Variants in SLC10A7 observed in about 807,000 individuals in gnomAD.
The protein encoded by SLC10A7 is solute carrier family 10 member 7, also known as sodium/bile acid cotransporter 7.
Under a neutral mutation model 43.2 loss-of-function variants are expected in SLC10A7, and 29 were observed. The observed-to-expected ratio is 0.67, with a 90% CI of 0.50 to 0.92. The LOEUF is 0.92. SLC10A7 is among the 40% of genes least tolerant of loss of function. SLC10A7 has a pLI of 0.00. For missense variants in SLC10A7, 295 were observed against 403.2 expected, an observed-to-expected ratio of 0.73 and a Z score of 2.30; for synonymous variants, 152 against 144.8, an observed-to-expected ratio of 1.05 and a Z score of -0.35.
chr4:146,357,135 A>C (rs918721121), intron 5 of SLC10A7, among the ~76,000 whole-genome samples: 1 of 152,220 alleles, frequency 6.6e-6, no homozygotes, highest in African/African-American at 2.4e-5. Context: ...TGTTCTGAGT[A>C]GTATATGTAA....
chr4:146,495,986 A>C (rs1293856787), intron 4 of SLC10A7, among the ~76,000 whole-genome samples: 1 of 152,228 alleles, frequency 6.6e-6, no homozygotes, highest in Non-Finnish European at 1.5e-5. Context: ...CACTGTCTTA[A>C]TACTAGACCA....
chr4:146,336,871 G>A (rs1733924981), intron 5 of SLC10A7, among the ~76,000 whole-genome samples: 1 of 152,042 alleles, frequency 6.6e-6, no homozygotes, highest in African/African-American at 2.4e-5. Context: ...TATGTACATT[G>A]CTGATTAGAA....
chr4:146,509,851 AC>A (rs1423884738), intron 3 of SLC10A7, 61 bp downstream of exon 3: 5 of 1,487,276 alleles, frequency 3.4e-6, no homozygotes, highest in African/African-American at 1.4e-5. Context: ...TGCCATAGAA[AC>A]AATAATGTCT....
intron 6 of SLC10A7, among the ~76,000 whole-genome samples, chr4:146,315,809 A>C (rs1732286855): frequency 6.6e-6 from 1 of 152,130 alleles, no homozygotes; most frequent in Non-Finnish European, 1.5e-5. Context: ...GATTATTAAA[A>C]AACTATAATT....
chr4:146,286,470 T>G (rs1729958692), intron 9 of SLC10A7, among the ~76,000 whole-genome samples: 1 of 149,394 alleles, frequency 6.7e-6, no homozygotes, highest in Non-Finnish European at 1.5e-5. Context: ...GAGTTTGGAG[T>G]GGTGAGAAGG....
At chr4:146,405,596 T>C (rs1727611119) in intron 5 of SLC10A7, among the ~76,000 whole-genome samples, 1 of 152,136 alleles carries the variant, frequency 6.6e-6, no homozygotes, top group Non-Finnish European at 1.5e-5. Flanking sequence ...ATGAAGGCAA[T>C]GAAGAACTGA....
intron 5 of SLC10A7, among the ~76,000 whole-genome samples, chr4:146,347,668 G>C (rs555033623): frequency 3.3e-5 from 5 of 152,186 alleles, no homozygotes; most frequent in African/African-American, 1.2e-4. Flanking sequence ...TGCAAAAATG[G>C]AAAATTCAAA....
intron 5 of SLC10A7, among the ~76,000 whole-genome samples, chr4:146,344,930 C>T (rs774320836): frequency 4.6e-5 from 7 of 152,094 alleles, no homozygotes. Context: ...ATATAAACAA[C>T]TGTTCTCTCT....
intron 10 of SLC10A7, 104 bp from the exon 11 acceptor site, chr4:146,258,941 T>G: frequency 8.1e-7 from 1 of 1,231,864 alleles, no homozygotes; most frequent in Non-Finnish European, 1.1e-6. Flanking sequence ...TATTACCATA[T>G]TTTCTCATGT....
At chr4:146,264,381 A>G (rs1451479287) in intron 10 of SLC10A7, among the ~76,000 whole-genome samples, 1 of 152,168 alleles carries the variant, frequency 6.6e-6, no homozygotes, top group African/African-American at 2.4e-5. Flanking sequence ...AGGCTGCTCT[A>G]TTGTTCACAA....
At chr4:146,521,340 G>T (rs12500663) in intron 1 of SLC10A7, among the ~76,000 whole-genome samples, 15,185 of 152,162 alleles carry the variant, frequency 0.1, 1,038 homozygotes, top group Middle Eastern at 0.15. Context: ...GGCAAGAGGA[G>T]TAAGTTTCAT....
intron 5 of SLC10A7, among the ~76,000 whole-genome samples, chr4:146,334,962 T>C (rs1444521565): frequency 3.3e-5 from 5 of 151,814 alleles, no homozygotes; most frequent in Non-Finnish European, 7.4e-5. Context: ...AGAGTCTAAG[T>C]TGGTGAAGGG....
At chr4:146,332,015 T>C (rs1733570508) in intron 5 of SLC10A7, among the ~76,000 whole-genome samples, 1 of 152,126 alleles carries the variant, frequency 6.6e-6, no homozygotes, top group Non-Finnish European at 1.5e-5. Context: ...AGAAAACTTT[T>C]AGAAAGAAAG....
At chr4:146,323,010 T>G (rs112931102) in intron 6 of SLC10A7, among the ~76,000 whole-genome samples, 2,588 of 152,336 alleles carry the variant, frequency 0.017, 72 homozygotes, top group African/African-American at 0.056. Flanking sequence ...GTTGGCTGCA[T>G]AAATGTTTTC....
chr4:146,441,359 A>G (rs1730585562), intron 5 of SLC10A7, among the ~76,000 whole-genome samples: 1 of 152,182 alleles, frequency 6.6e-6, no homozygotes, highest in South Asian at 2.1e-4. Context: ...GTCTCAAACT[A>G]TATTTAATAA....
At chr4:146,475,363 C>G (rs904443571) in intron 4 of SLC10A7, among the ~76,000 whole-genome samples, 5 of 151,798 alleles carry the variant, frequency 3.3e-5, no homozygotes, top group African/African-American at 9.7e-5. Context: ...CCACTTAAAA[C>G]GTTTCCTGTC....
chr4:146,384,564 A>T (rs927837578), intron 5 of SLC10A7, among the ~76,000 whole-genome samples: 1 of 152,152 alleles, frequency 6.6e-6, no homozygotes, highest in Non-Finnish European at 1.5e-5. Context: ...TGATTTTATT[A>T]TTAGTCTCTT....
intron 4 of SLC10A7, among the ~76,000 whole-genome samples, chr4:146,454,174 A>G (rs904617074): frequency 7.2e-5 from 11 of 151,972 alleles, no homozygotes. Flanking sequence ...TAAGGGTTAC[A>G]GGTTCACAAT....
intron 5 of SLC10A7, among the ~76,000 whole-genome samples, chr4:146,415,919 G>C (rs1031377606): frequency 3.3e-5 from 5 of 152,160 alleles, no homozygotes; most frequent in African/African-American, 1.2e-4. Flanking sequence ...TGTACAAATA[G>C]TGAGGAAAGC....
Sources: gnomAD v4.1 joint callset for allele counts (sites outside exome capture counted in the v4.1 genomes callset) on GRCh38, gnomAD v4.1.1 for gene constraint, MANE v1.5 for transcripts, NCBI Gene and HGNC (gene_info 2026-07-23, HGNC 2026-07-21) for gene names.